Variants in CCDC171 observed in about 807,000 individuals in gnomAD.
The protein encoded by CCDC171 is coiled-coil domain-containing protein 171.
In CCDC171, 177 loss-of-function variants were observed where a neutral mutation model predicts 168.2. That is an observed-to-expected ratio of 1.05 (90% CI 0.93 to 1.19). CCDC171 has a LOEUF of 1.19. CCDC171 is among the 50% of genes most tolerant of loss of function. The probability of loss-of-function intolerance (pLI) is 0.00; values close to 1 mark genes in which losing one functional copy is unlikely to be tolerated. For missense variants in CCDC171, 1,991 were observed against 1,539.0 expected, an observed-to-expected ratio of 1.29 and a Z score of -4.91; for synonymous variants, 687 against 540.8, an observed-to-expected ratio of 1.27 and a Z score of -3.75.
At chr9:15,875,826 A>G (rs1817764289) in intron 24 of CCDC171, 1 of 152,042 alleles carries the variant, frequency 6.6e-6, no homozygotes, top group Non-Finnish European at 1.5e-5. Context: ...TAAAATATAT[A>G]TAATTATAAA....
In CCDC171 at chr9:15,724,692, G is replaced by T. The variant is rs78361575; in HGVS notation, c.1492-84G>T. 5.0e-3 allele frequency: 3,924 copies of T among 786,454 alleles called. 126 individuals carry two copies. In the African/African-American group the frequency reaches 0.06, roughly 12 times the overall value. The allele number at this position is 786,454 out of a possible 1,614,324, so 48.7% of individuals were successfully genotyped here. Reference sequence around the variant, plus strand: ...TCTTTCATTTTAAAGCTTTGAAAATGTTCAATATGTGTTTTATACTAGTGT... The same window carrying T: ...TCTTTCATTTTAAAGCTTTGAAAATTTTCAATATGTGTTTTATACTAGTGT... On this transcript the variant is annotated intron_variant, in intron 13 of 25. Coordinates refer to ENST00000380701, the MANE Select transcript of CCDC171 (RefSeq NM_173550.4).
At chr9:15,704,673 T>C (rs548920609) in intron 11 of CCDC171, among the ~76,000 whole-genome samples, 1 of 152,368 alleles carries the variant, frequency 6.6e-6, no homozygotes, top group East Asian at 1.9e-4. Context: ...CTCTGTCTCC[T>C]TCAGATTTTG....
intron 23 of CCDC171, among the ~76,000 whole-genome samples, chr9:15,856,876 TA>T (rs374300310): frequency 5.8e-4 from 88 of 152,120 alleles, no homozygotes; most frequent in Non-Finnish European, 9.9e-4. Flanking sequence ...CCTTGTCTTT[TA>T]AAAAAATTTT....
At chr9:15,608,968 A>G (rs1196600809) in intron 6 of CCDC171, among the ~76,000 whole-genome samples, 1 of 149,264 alleles carries the variant, frequency 6.7e-6, no homozygotes, top group Non-Finnish European at 1.5e-5. Flanking sequence ...AAAAAAAAAA[A>G]AAAAGAGTGG....
intron 16 of CCDC171, among the ~76,000 whole-genome samples, chr9:15,738,851 C>T (rs1368797591): frequency 6.6e-6 from 1 of 152,052 alleles, no homozygotes; most frequent in East Asian, 1.9e-4. Context: ...AGCCTTTACA[C>T]TCTAAAGCTT....
intron 4 of CCDC171, among the ~76,000 whole-genome samples, chr9:15,586,218 A>G (rs2041545556): frequency 6.6e-6 from 1 of 152,204 alleles, no homozygotes; most frequent in South Asian, 2.1e-4. Context: ...ATATCTGATA[A>G]AGCAAATATG....
chr9:16,007,352 G>T (rs971069808), intron 3 of CCDC171, among the ~76,000 whole-genome samples: 2 of 152,038 alleles, frequency 1.3e-5, no homozygotes, highest in African/African-American at 2.4e-5. Flanking sequence ...AGATGAGTAG[G>T]TTGCAAAAGT....
chr9:15,944,419 A>T (rs1379458047), intron 25 of CCDC171, among the ~76,000 whole-genome samples: 1 of 152,018 alleles, frequency 6.6e-6, no homozygotes, highest in Non-Finnish European at 1.5e-5. Flanking sequence ...AAAGGAAAGG[A>T]TGGGGAGGAG....
intron 4 of CCDC171, among the ~76,000 whole-genome samples, chr9:15,580,638 A>G (rs1286060089): frequency 1.3e-5 from 2 of 152,048 alleles, no homozygotes; most frequent in Non-Finnish European, 2.9e-5. Flanking sequence ...AATGTTCAAT[A>G]TCACTAATTA....
chr9:15,835,142 G>C (rs2060388644), intron 21 of CCDC171, among the ~76,000 whole-genome samples: 1 of 152,174 alleles, frequency 6.6e-6, no homozygotes, highest in South Asian at 2.1e-4. Flanking sequence ...ATTATGATGT[G>C]ACTATTAGCT....
In CCDC171 at chr9:15,657,082, T is replaced by C. The variant is rs751025100; in HGVS notation, c.823-45T>C. On this transcript the variant is annotated intron_variant, in intron 7 of 25. Transcript: ENST00000380701. ...TGGACTGTAGTGATCCATATCTTCT[T>C]TAAATACCAATGTTTATGAATTTAA... 2.2e-5 allele frequency: 25 copies of C among 1,152,700 alleles called. No individual in the cohort carries two copies. In the African/African-American group the frequency reaches 3.1e-4, roughly 14 times the overall value. 71.4% of individuals were successfully genotyped at this position (1,152,700 alleles called of 1,614,324 possible).
At chr9:15,647,213 G>C (rs2047116177) in intron 7 of CCDC171, among the ~76,000 whole-genome samples, 1 of 152,098 alleles carries the variant, frequency 6.6e-6, no homozygotes, top group Non-Finnish European at 1.5e-5. Flanking sequence ...CGAGAACAAA[G>C]ACACAACATA....
chr9:15,866,954 A>C (rs931049774), intron 23 of CCDC171, among the ~76,000 whole-genome samples: 2 of 152,012 alleles, frequency 1.3e-5, no homozygotes, highest in African/African-American at 4.8e-5. Context: ...AGCCATCTCT[A>C]GATTCTAATG....
chr9:15,843,616 G>C (rs78227578), intron 21 of CCDC171, among the ~76,000 whole-genome samples: 1 of 151,930 alleles, frequency 6.6e-6, no homozygotes, highest in Non-Finnish European at 1.5e-5. Flanking sequence ...AATTTCATCA[G>C]GGGTTTAATT....
At position 15,718,849 on chromosome 9, in the gene CCDC171, C is replaced by T. The variant is rs574458773; in HGVS notation, c.1319-2920C>T. Among the ~76,000 whole-genome samples, 167 of 152,270 alleles carry T rather than the reference C, an allele frequency of 1.1e-3. 1 individual carries two copies. The highest frequency in any genetic ancestry group is 3.9e-3 in the African/African-American group (164 of 41,558). On this transcript the variant is annotated intron_variant, in intron 11 of 25. Coordinates refer to ENST00000380701, the MANE Select transcript of CCDC171 (RefSeq NM_173550.4). ...GACGTTTAAATACTGGGAAAGCCTTCTCGGGAAGGACAGGTACTAATAAGT... is the reference window on the plus strand; with the variant it reads ...GACGTTTAAATACTGGGAAAGCCTTTTCGGGAAGGACAGGTACTAATAAGT...
chr9:15,820,955 G>A lies in CCDC171; in HGVS notation c.3268-25747G>A, dbSNP rs1162609745. On this transcript the variant is annotated intron_variant, in intron 21 of 25. Transcript: ENST00000380701. ...ATCCTCAATAAAATACTGGCAAACC[G>A]AATCCAGCAGCACATCAAAAAGCTT... Among the ~76,000 whole-genome samples, 164 of 116,586 alleles carry A rather than the reference G, an allele frequency of 1.4e-3. 52 individuals carry two copies. The highest frequency in any genetic ancestry group is 4.9e-3 in the African/African-American group (153 of 30,962). The allele number at this position is 116,586 out of a possible 152,430, so 76.5% of individuals were successfully genotyped here.
At chr9:15,938,635 A>G (rs1048102591) in intron 25 of CCDC171, among the ~76,000 whole-genome samples, 2 of 151,852 alleles carry the variant, frequency 1.3e-5, no homozygotes, top group Non-Finnish European at 2.9e-5. Context: ...TTTGTTCTTA[A>G]GATTCTATGT....
intron 25 of CCDC171, among the ~76,000 whole-genome samples, chr9:15,938,022 C>T (rs78477166): frequency 5.1e-4 from 77 of 151,792 alleles, no homozygotes; most frequent in African/African-American, 1.8e-3. Flanking sequence ...TTAGTAATCC[C>T]GTAATCTAAA....
intron 21 of CCDC171, among the ~76,000 whole-genome samples, chr9:15,826,916 C>T (rs2060036462): frequency 6.6e-6 from 1 of 152,172 alleles, no homozygotes; most frequent in East Asian, 1.9e-4. Flanking sequence ...TAAATTGTAA[C>T]TGGAACAAAG....
Sources: allele counts gnomAD v4.1 joint callset (sites outside exome capture counted in the v4.1 genomes callset), GRCh38; gene constraint gnomAD v4.1.1; transcripts MANE v1.5; gene names NCBI Gene and HGNC (gene_info 2026-07-23, HGNC 2026-07-21).